The following ABCB5 variants were observed in gnomAD, a reference collection of about 807,000 sequenced individuals.
The protein encoded by ABCB5 is ATP binding cassette subfamily B member 5.
A neutral mutation model predicts 144.2 loss-of-function variants in ABCB5; 155 were observed. The observed-to-expected ratio is 1.08, with a 90% CI of 0.94 to 1.23. The LOEUF (loss-of-function observed/expected upper bound fraction) is 1.23, where lower values mean the gene tolerates loss of function less well. Among genes scored for constraint, ABCB5 ranks in the 50% most tolerant of loss-of-function variants. The pLI is 0.00. For missense variants in ABCB5, 1,830 were observed against 1,520.8 expected, an observed-to-expected ratio of 1.20 and a Z score of -3.38; for synonymous variants, 610 against 528.6, an observed-to-expected ratio of 1.15 and a Z score of -2.11.
chr7:20,682,778 T>C (rs2128039434), intron 15 of ABCB5, among the ~76,000 whole-genome samples: 1 of 152,290 alleles, frequency 6.6e-6, no homozygotes, highest in South Asian at 2.1e-4. Flanking sequence ...TCACCACAGA[T>C]GGACCAGAAA....
chr7:20,711,865 C>T (rs1335394132), intron 20 of ABCB5, among the ~76,000 whole-genome samples: 425 of 24,376 alleles, frequency 0.017, 39 homozygotes, highest in Middle Eastern at 0.1. Flanking sequence ...TTCTTTCCTT[C>T]CTCCCTCCCT....
At chr7:20,627,141 T>C (rs1783927031) in intron 3 of ABCB5, among the ~76,000 whole-genome samples, 1 of 152,186 alleles carries the variant, frequency 6.6e-6, no homozygotes, top group African/African-American at 2.4e-5. Context: ...CATGCATGTG[T>C]TCCCAGACAT....
At chr7:20,702,246 AT>A (rs1221135044) in intron 19 of ABCB5, among the ~76,000 whole-genome samples, 1 of 152,204 alleles carries the variant, frequency 6.6e-6, no homozygotes, top group Non-Finnish European at 1.5e-5. Context: ...ATAATTACCT[AT>A]AGAGCTATTG....
At chr7:20,630,428 A>G (rs1014263146) in intron 4 of ABCB5, among the ~76,000 whole-genome samples, 98 of 152,102 alleles carry the variant, frequency 6.4e-4, no homozygotes, top group African/African-American at 2.3e-3. Context: ...AAAAATCTTT[A>G]AACTCAAAAG....
intron 14 of ABCB5, among the ~76,000 whole-genome samples, chr7:20,665,387 T>C (rs1785142672): frequency 6.6e-6 from 1 of 152,164 alleles, no homozygotes; most frequent in Non-Finnish European, 1.5e-5. Context: ...GGAACCCATG[T>C]CGACCCAGAA....
chr7:20,666,992 C>A, intron 14 of ABCB5: 1 of 815,180 alleles, frequency 1.2e-6, no homozygotes, highest in Non-Finnish European at 1.7e-6. Context: ...TTGTTGTTCA[C>A]TATGAGGAGT....
intron 4 of ABCB5, among the ~76,000 whole-genome samples, chr7:20,631,041 A>C (rs147816570): frequency 9.8e-5 from 15 of 152,302 alleles, no homozygotes; most frequent in African/African-American, 3.4e-4. Flanking sequence ...GGAGGATAAT[A>C]GAGCAGGATT....
intron 7 of ABCB5, among the ~76,000 whole-genome samples, chr7:20,644,014 G>A (rs960814164): frequency 2.6e-5 from 4 of 151,960 alleles, no homozygotes; most frequent in Non-Finnish European, 5.9e-5. Context: ...TCACTGGGTA[G>A]AATGGAATAA....
chr7:20,724,965 C>T (rs959808563), intron 21 of ABCB5, among the ~76,000 whole-genome samples: 12 of 152,052 alleles, frequency 7.9e-5, no homozygotes, highest in African/African-American at 2.9e-4. Context: ...TTGTTTAGAC[C>T]TCCTTGTCTA....
intron 14 of ABCB5, among the ~76,000 whole-genome samples, chr7:20,662,835 C>T (rs774800434): frequency 1.1e-4 from 16 of 151,854 alleles, no homozygotes; most frequent in Non-Finnish European, 1.5e-4. Flanking sequence ...GAAAAATAAA[C>T]CACCATAACT....
At chr7:20,691,836 A>G (rs1360685125) in intron 16 of ABCB5, among the ~76,000 whole-genome samples, 1 of 152,048 alleles carries the variant, frequency 6.6e-6, no homozygotes, top group Non-Finnish European at 1.5e-5. Flanking sequence ...ATTTACGAGA[A>G]TTCAGAAATA....
intron 14 of ABCB5, among the ~76,000 whole-genome samples, chr7:20,673,465 G>A (rs1464530052): frequency 6.6e-6 from 1 of 151,938 alleles, no homozygotes; most frequent in Non-Finnish European, 1.5e-5. Context: ...TAAATATTTA[G>A]GATTGTTATG....
At position 20,704,811 on chromosome 7, in the gene ABCB5, T is replaced by C; in HGVS notation, c.2421+4T>C. The C allele has an allele frequency of 6.2e-7, 1 of 1,607,270 alleles. No individual in the cohort carries two copies. The highest frequency in any genetic ancestry group is 8.5e-7 in the Non-Finnish European group (1 of 1,174,522). ...AGATATAGCACAAATTCAAGGAGTA[T>C]GTATATTGTTTTTATTGTAAATGAT... On this transcript the variant is annotated splice_donor_region_variant and intron_variant, in intron 20 of 27. Transcript: ENST00000404938.
intron 19 of ABCB5, among the ~76,000 whole-genome samples, chr7:20,703,565 T>G (rs1164690707): frequency 6.6e-6 from 1 of 152,192 alleles, no homozygotes; most frequent in Non-Finnish European, 1.5e-5. Flanking sequence ...TGCCTTTGTT[T>G]TGCCTGTTAC....
chr7:20,700,214 CA>C (rs1483759679), intron 19 of ABCB5, 79 bp downstream of exon 19: 5 of 1,217,896 alleles, frequency 4.1e-6, no homozygotes, highest in Admixed American at 5.0e-5. Context: ...TGTCTCAAGT[CA>C]ATTTTTGACA....
chr7:20,655,495 CA>C (rs1182819772), intron 13 of ABCB5, among the ~76,000 whole-genome samples: 1 of 151,280 alleles, frequency 6.6e-6, no homozygotes, highest in African/African-American at 2.4e-5. Context: ...CCCAGCCCCC[CA>C]AAAAAAGCTA....
chr7:20,667,713 G>A (rs1301708761), intron 14 of ABCB5: 4 of 148,828 alleles, frequency 2.7e-5, no homozygotes, highest in African/African-American at 1.1e-4. Context: ...CCCTGCCCCT[G>A]CCCCTGCCCC....
chr7:20,754,520 T>G (rs1783024840), intron 27 of ABCB5, among the ~76,000 whole-genome samples: 1 of 152,210 alleles, frequency 6.6e-6, no homozygotes, highest in African/African-American at 2.4e-5. Context: ...TGGGAACATT[T>G]TATGTATTCA....
intron 25 of ABCB5, among the ~76,000 whole-genome samples, chr7:20,744,489 C>G (rs138591494): frequency 6.6e-6 from 1 of 152,030 alleles, no homozygotes; most frequent in South Asian, 2.1e-4. Flanking sequence ...CTCTCCATAC[C>G]CTCCCCACTG....
Sources: allele counts gnomAD v4.1 joint callset (sites outside exome capture counted in the v4.1 genomes callset), GRCh38; gene constraint gnomAD v4.1.1; transcripts MANE v1.5; gene names NCBI Gene and HGNC (gene_info 2026-07-23, HGNC 2026-07-21).